Variants in NCALD observed in about 807,000 individuals in gnomAD.
NCALD encodes the protein neurocalcin-delta.
In NCALD, 10 loss-of-function variants were observed where a neutral mutation model predicts 18.6. The ratio of observed to expected loss-of-function variants is 0.54; its 90% confidence interval spans 0.33 to 0.91. The LOEUF is 0.91. Among genes scored for constraint, NCALD ranks in the 40% least tolerant of loss-of-function variants. The pLI, the probability that NCALD is intolerant of heterozygous loss-of-function variation, is 0.03. For synonymous variants in NCALD, 88 were observed against 87.4 expected, an observed-to-expected ratio of 1.01 and a Z score of -0.04; for missense variants, 184 against 247.6, an observed-to-expected ratio of 0.74 and a Z score of 1.72.
At chr8:101,890,308 G>C (rs535988845) in intron 3 of NCALD, among the ~76,000 whole-genome samples, 3 of 152,152 alleles carry the variant, frequency 2.0e-5, no homozygotes, top group African/African-American at 7.2e-5. Flanking sequence ...TAAACTGATA[G>C]TGGGGGTAGA....
chr8:102,078,939 T>C, intron 1 of NCALD, among the ~76,000 whole-genome samples: 1 of 152,154 alleles, frequency 6.6e-6, no homozygotes, highest in East Asian at 1.9e-4. Flanking sequence ...ACTTGGTAAA[T>C]GAAGGAATAT....
intron 1 of NCALD, among the ~76,000 whole-genome samples, chr8:102,050,808 T>C (rs963714028): frequency 7.5e-5 from 10 of 132,680 alleles, no homozygotes; most frequent in South Asian, 2.8e-4. Flanking sequence ...ATTTAATTAA[T>C]TTAATCATTT....
chr8:101,767,452 G>C (rs1021936345), intron 1 of NCALD, among the ~76,000 whole-genome samples: 2 of 152,154 alleles, frequency 1.3e-5, no homozygotes, highest in African/African-American at 4.8e-5. Flanking sequence ...TGAGAATGAA[G>C]CTGAAGCCAC....
chr8:101,958,945 C>T (rs1819737282), intron 2 of NCALD, among the ~76,000 whole-genome samples: 1 of 152,164 alleles, frequency 6.6e-6, no homozygotes, highest in African/African-American at 2.4e-5. Context: ...TGGTATTTTT[C>T]CTTATCATTC....
intron 4 of NCALD, among the ~76,000 whole-genome samples, chr8:101,848,080 T>G (rs1390469001): frequency 6.6e-6 from 1 of 152,050 alleles, no homozygotes; most frequent in African/African-American, 2.4e-5. Flanking sequence ...GACAAGCATG[T>G]GGTTTTGGTC....
At chr8:101,963,613 T>C (rs1819915064) in intron 2 of NCALD, among the ~76,000 whole-genome samples, 1 of 152,210 alleles carries the variant, frequency 6.6e-6, no homozygotes, top group Non-Finnish European at 1.5e-5. Flanking sequence ...ATCTACCTTT[T>C]CCTGAAACTT....
chr8:101,752,998 G>A (rs754454101), intron 1 of NCALD, among the ~76,000 whole-genome samples: 1 of 149,280 alleles, frequency 6.7e-6, no homozygotes. Context: ...GAATTTCAAT[G>A]CTCAATTTCA....
chr8:101,737,307 T>C (rs1298671624), intron 1 of NCALD, among the ~76,000 whole-genome samples: 3 of 152,176 alleles, frequency 2.0e-5, no homozygotes, highest in Admixed American at 6.5e-5. Context: ...TGCTCTCAAC[T>C]TCATTTCCTG....
chr8:101,719,686 C>T, intron 1 of NCALD, 38 bp from the exon 2 acceptor site: 2 of 1,504,878 alleles, frequency 1.3e-6, no homozygotes, highest in Non-Finnish European at 1.8e-6. Context: ...ATTTGTAGAG[C>T]TGCTCTTTAG....
At chr8:101,903,502 T>G (rs1347342214) in intron 3 of NCALD, among the ~76,000 whole-genome samples, 1 of 152,160 alleles carries the variant, frequency 6.6e-6, no homozygotes, top group Non-Finnish European at 1.5e-5. Flanking sequence ...AGGCTATGTT[T>G]AGGAATTTCA....
intron 1 of NCALD, among the ~76,000 whole-genome samples, chr8:102,107,237 T>TATATATATAC (rs1554598801): frequency 9.4e-6 from 1 of 106,070 alleles, no homozygotes; most frequent in African/African-American, 3.6e-5. Flanking sequence ...TATATATATA[T>TATATATATAC]ATACACATAG....
intron 4 of NCALD, among the ~76,000 whole-genome samples, chr8:101,837,157 C>A (rs976478657): frequency 1.3e-5 from 2 of 152,118 alleles, no homozygotes; most frequent in African/African-American, 4.8e-5. Context: ...TAAAACAGAC[C>A]TACACAACAC....
intron 1 of NCALD, among the ~76,000 whole-genome samples, chr8:102,075,417 T>C (rs565081192): frequency 3.3e-5 from 5 of 152,294 alleles, no homozygotes; most frequent in South Asian, 2.1e-4. Context: ...GGGACAATAG[T>C]GGTACCAAGG....
At chr8:101,823,377 A>G (rs1813799730) in intron 4 of NCALD, among the ~76,000 whole-genome samples, 1 of 152,240 alleles carries the variant, frequency 6.6e-6, no homozygotes, top group South Asian at 2.1e-4. Flanking sequence ...AGGAAAGACA[A>G]GAAGAATGCT....
chr8:101,986,712 C>T (rs1160966383), intron 2 of NCALD: 1 of 152,252 alleles, frequency 6.6e-6, no homozygotes, highest in Non-Finnish European at 1.5e-5. Flanking sequence ...GAGCCCAACT[C>T]AGTATCTTTA....
chr8:101,921,257 T>TA (rs55994629), intron 2 of NCALD, among the ~76,000 whole-genome samples: 1,612 of 136,326 alleles, frequency 0.012, 15 homozygotes, highest in African/African-American at 0.019. Flanking sequence ...CAGAAATGTG[T>TA]AAAAAAAAAA....
At chr8:102,001,022 C>T (rs140522102) in intron 2 of NCALD, among the ~76,000 whole-genome samples, 18 of 152,296 alleles carry the variant, frequency 1.2e-4, no homozygotes, top group Middle Eastern at 3.4e-3. Context: ...CAAAGCCAGA[C>T]GGAGAATGAC....
At chr8:102,047,340 T>G (rs995644197) in intron 1 of NCALD, among the ~76,000 whole-genome samples, 1 of 152,192 alleles carries the variant, frequency 6.6e-6, no homozygotes, top group African/African-American at 2.4e-5. Context: ...TAGCTGATAT[T>G]TGAAAGACAC....
At chr8:101,767,670 A>G (rs768288061) in intron 1 of NCALD, among the ~76,000 whole-genome samples, 10 of 152,178 alleles carry the variant, frequency 6.6e-5, no homozygotes, top group Non-Finnish European at 8.8e-5. Context: ...TTACCATTCC[A>G]TGTTGGGATT....
Sources: gnomAD v4.1 joint callset for allele counts (sites outside exome capture counted in the v4.1 genomes callset) on GRCh38, gnomAD v4.1.1 for gene constraint, MANE v1.5 for transcripts, NCBI Gene and HGNC (gene_info 2026-07-23, HGNC 2026-07-21) for gene names.